CELF2: variants seen among roughly 807,000 people sequenced by gnomAD.
CELF2 encodes CUG triplet repeat RNA-binding protein 2.
A neutral mutation model predicts 62.6 loss-of-function variants in CELF2; 8 were observed. That is an observed-to-expected ratio of 0.13 (90% CI 0.07 to 0.23). The LOEUF (loss-of-function observed/expected upper bound fraction) is 0.23, where lower values mean the gene tolerates loss of function less well. Ranked by LOEUF, CELF2 falls within the 10% of genes least tolerant of loss-of-function variation. The probability of loss-of-function intolerance (pLI) is 1.00; values close to 1 mark genes in which losing one functional copy is unlikely to be tolerated. For synonymous variants in CELF2, 258 were observed against 250.0 expected (o/e 1.03, Z -0.30); for missense variants, 333 against 671.0 (o/e 0.50, Z 5.56).
chr10:10,788,493 C>T, the CELF2 span, among the ~76,000 whole-genome samples: 16 of 107,334 alleles, frequency 1.5e-4, no homozygotes, highest in East Asian at 2.5e-3. Flanking sequence ...GATGGAGTCT[C>T]GCTCTGTCAC....
the CELF2 span, among the ~76,000 whole-genome samples, chr10:10,730,083 TC>T: frequency 6.6e-6 from 1 of 152,132 alleles, no homozygotes; most frequent in Admixed American, 6.5e-5. Context: ...TTCTGGAAAA[TC>T]TCAACATCAA....
chr10:11,095,755 G>T (rs960320908), intron 1 of CELF2, among the ~76,000 whole-genome samples: 4 of 152,140 alleles, frequency 2.6e-5, no homozygotes, highest in Admixed American at 2.6e-4. Context: ...GCTGGCGTTG[G>T]CATTCATCAT....
chr10:10,852,504 T>C (rs1194624717), intron 1 of CELF2, among the ~76,000 whole-genome samples: 1 of 152,172 alleles, frequency 6.6e-6, no homozygotes, highest in Admixed American at 6.5e-5. Flanking sequence ...ATGCTTGTGG[T>C]GGTAGAATTG....
the CELF2 span, among the ~76,000 whole-genome samples, chr10:10,531,457 A>C: frequency 1.4e-4 from 22 of 152,162 alleles, no homozygotes; most frequent in African/African-American, 4.8e-4. Context: ...TAGGACAAAC[A>C]GTTCTATGAA....
At chr10:10,943,455 G>A (rs922294219) in intron 2 of CELF2, among the ~76,000 whole-genome samples, 3 of 152,226 alleles carry the variant, frequency 2.0e-5, no homozygotes, top group Non-Finnish European at 4.4e-5. Context: ...AGGATGGGCA[G>A]ATTAGGATAG....
intron 1 of CELF2, among the ~76,000 whole-genome samples, chr10:11,028,808 C>T (rs1593466651): frequency 6.6e-6 from 1 of 151,802 alleles, no homozygotes; most frequent in Admixed American, 6.6e-5. Flanking sequence ...CAACCTCCAC[C>T]TCCTGGGTTC....
rs1285672468 is a variant in CELF2 at position 10,890,412 on chromosome 10, C to CA, written c.54-29545dup. ...TAGACCACCTTACAAAATGTCATGG[C>CA]AAAAAAATGCTTTGTCAACTACAAA... On this transcript the variant is annotated intron_variant, in intron 1 of 13. Transcript: ENST00000636488. Among the ~76,000 whole-genome samples the CA allele has an allele frequency of 4.6e-5, 7 of 151,926 alleles. No homozygotes were observed. In the South Asian group the frequency reaches 1.2e-3, roughly 27 times the overall value.
At chr10:10,623,793 T>C in the CELF2 span, among the ~76,000 whole-genome samples, 1 of 152,160 alleles carries the variant, frequency 6.6e-6, no homozygotes, top group Non-Finnish European at 1.5e-5. Flanking sequence ...TATAATCTTA[T>C]TTAATCCTTA....
chr10:10,893,088 C>G (rs1475012923), intron 1 of CELF2, among the ~76,000 whole-genome samples: 1 of 152,176 alleles, frequency 6.6e-6, no homozygotes, highest in Non-Finnish European at 1.5e-5. Context: ...TAACACTTTG[C>G]TTTGAAGCAA....
the CELF2 span, among the ~76,000 whole-genome samples, chr10:10,764,162 T>C: frequency 2.0e-4 from 31 of 152,346 alleles, no homozygotes; most frequent in East Asian, 5.6e-3. Flanking sequence ...GGGAGACTAA[T>C]GTGTTTTTCT....
At chr10:10,581,722 T>A in the CELF2 span, among the ~76,000 whole-genome samples, 1 of 152,118 alleles carries the variant, frequency 6.6e-6, no homozygotes, top group African/African-American at 2.4e-5. Flanking sequence ...CACAAATACT[T>A]ACATTAAGAT....
At chr10:11,130,248 T>C (rs180920290) in intron 1 of CELF2, among the ~76,000 whole-genome samples, 27 of 152,356 alleles carry the variant, frequency 1.8e-4, no homozygotes, top group African/African-American at 5.8e-4. Context: ...CAGTTTGTTG[T>C]AATTTCTGTT....
the CELF2 span, among the ~76,000 whole-genome samples, chr10:10,513,934 TAAGCCTCGATCCCTCTCTGAGCA>T: frequency 6.6e-6 from 1 of 152,008 alleles, no homozygotes; most frequent in Non-Finnish European, 1.5e-5. Context: ...CTCTCTAAGC[TAAGCCTCGATCCCTCTCTGAGCA>T]AAGCCTAGAT....
intron 1 of CELF2, among the ~76,000 whole-genome samples, chr10:11,063,913 C>A (rs1272699471): frequency 6.6e-6 from 1 of 152,120 alleles, no homozygotes; most frequent in East Asian, 1.9e-4. Context: ...GGATTGATGC[C>A]TTTTGCGTTC....
chr10:10,775,629 T>A, the CELF2 span, among the ~76,000 whole-genome samples: 914 of 114,494 alleles, frequency 8.0e-3, 9 homozygotes, highest in African/African-American at 0.018. Context: ...AAAAAAAATA[T>A]ATATATAGGG....
Position 11,268,091 on chromosome 10 carries a change from T to TA in CELF2, c.618+1415dup, listed in dbSNP as rs1297162112. On this transcript the variant is annotated intron_variant, in intron 6 of 12. Coordinates refer to ENST00000633077, the MANE Select transcript of CELF2 (RefSeq NM_001326342.2). This position sits in a 1 kb window ranked among gnomAD's most constrained non-coding sequence, Gnocchi z 4.7. Reference sequence around the variant, plus strand: ...AAGCTAATCTTGTCTGACACGCAGTTACACGTGTGATGGCGTTTTGCTTCC... The same window carrying TA: ...AAGCTAATCTTGTCTGACACGCAGTTAACACGTGTGATGGCGTTTTGCTTCC... Among the ~76,000 whole-genome samples the TA allele has an allele frequency of 6.6e-6, 1 of 152,178 alleles. No homozygotes were observed. The highest frequency in any genetic ancestry group is 2.4e-5 in the African/African-American group (1 of 41,442).
intron 1 of CELF2, among the ~76,000 whole-genome samples, chr10:11,070,715 A>G (rs1464082662): frequency 6.6e-6 from 1 of 152,200 alleles, no homozygotes; most frequent in African/African-American, 2.4e-5. Context: ...GAGCTTGTGA[A>G]GGAGACGGAG....
chr10:10,540,564 G>C, the CELF2 span, among the ~76,000 whole-genome samples: 1 of 152,114 alleles, frequency 6.6e-6, no homozygotes, highest in African/African-American at 2.4e-5. Flanking sequence ...CTAAACAGGA[G>C]GTTGCAGAAA....
chr10:11,276,736 G>A (rs1408581000), intron 8 of CELF2, among the ~76,000 whole-genome samples: 5 of 152,226 alleles, frequency 3.3e-5, no homozygotes, highest in Non-Finnish European at 7.3e-5. Context: ...ACTGGGTCCT[G>A]AGGCTGCTGC....
Sources: allele counts gnomAD v4.1 joint callset (sites outside exome capture counted in the v4.1 genomes callset), GRCh38; gene constraint gnomAD v4.1.1; non-coding constraint Gnocchi (gnomAD v3.1); transcripts MANE v1.5; gene names NCBI Gene and HGNC (gene_info 2026-07-23, HGNC 2026-07-21).